The following GNAT3 variants were observed in gnomAD, a reference collection of about 807,000 sequenced individuals.
GNAT3 encodes guanine nucleotide-binding protein G(t) subunit alpha-3.
GNAT3 carries 31 observed loss-of-function variants against 37.7 expected under a neutral mutation model. The observed-to-expected ratio is 0.82, with a 90% CI of 0.62 to 1.11. GNAT3 has a LOEUF of 1.11. Among genes scored for constraint, GNAT3 ranks in the 50% most tolerant of loss-of-function variants. The pLI, the probability that GNAT3 is intolerant of heterozygous loss-of-function variation, is 0.00. For missense variants in GNAT3, 437 were observed against 412.5 expected (o/e 1.06, Z -0.51); for synonymous variants, 138 against 139.8 (o/e 0.99, Z 0.09).
chr7:80,509,286 G>A (rs1454380987), intron 1 of GNAT3, among the ~76,000 whole-genome samples: 1 of 152,042 alleles, frequency 6.6e-6, no homozygotes, highest in Non-Finnish European at 1.5e-5. Flanking sequence ...ATCATCATAT[G>A]TAGAATTCAG....
chr7:80,463,298 C>G (rs531683945), intron 5 of GNAT3, among the ~76,000 whole-genome samples: 2 of 152,100 alleles, frequency 1.3e-5, no homozygotes, highest in African/African-American at 4.8e-5. Flanking sequence ...AAAACTCAGC[C>G]TTTCCTCTAC....
Position 80,461,441 on chromosome 7 carries a change from C to T in GNAT3, c.874+718G>A, listed in dbSNP as rs183611566. On this transcript the variant is annotated intron_variant, in intron 7 of 7. Coordinates refer to ENST00000398291, the MANE Select transcript of GNAT3 (RefSeq NM_001102386.3). ...GCGTGCACCAGTCGTCCCAGCCACT[C>T]GGGAGGCTGAAGCAGGGGAATCATT... is the stretch of plus-strand genomic sequence containing the variant. Among the ~76,000 whole-genome samples, 10 of 152,092 alleles carry T rather than the reference C, an allele frequency of 6.6e-5. No homozygotes were observed. The East Asian group carries it at 1.7e-3, about 26-fold the overall frequency.
intron 1 of GNAT3, among the ~76,000 whole-genome samples, chr7:80,498,841 A>G (rs1790780536): frequency 6.6e-6 from 1 of 152,154 alleles, no homozygotes; most frequent in African/African-American, 2.4e-5. Flanking sequence ...ATTTAAATTT[A>G]TACTTAATTC....
intron 4 of GNAT3, 110 bp downstream of exon 4, chr7:80,478,731 T>TAA (rs767589887): frequency 5.7e-5 from 60 of 1,045,880 alleles, no homozygotes; most frequent in Middle Eastern, 2.4e-4. Context: ...TAATAAAATG[T>TAA]AACACCATTT....
At chr7:80,508,860 C>T (rs963316082) in intron 1 of GNAT3, among the ~76,000 whole-genome samples, 2 of 151,946 alleles carry the variant, frequency 1.3e-5, no homozygotes, top group South Asian at 4.1e-4. Context: ...TGAGTTTAAG[C>T]TTCTAGAAAT....
At chr7:80,499,074 A>C (rs985732095) in intron 1 of GNAT3, among the ~76,000 whole-genome samples, 1 of 152,322 alleles carries the variant, frequency 6.6e-6, no homozygotes, top group Admixed American at 6.5e-5. Flanking sequence ...GTAATCACAC[A>C]TAAGATTTTT....
At chr7:80,481,298 C>T (rs1790388407) in intron 3 of GNAT3, among the ~76,000 whole-genome samples, 1 of 152,100 alleles carries the variant, frequency 6.6e-6, no homozygotes, top group Non-Finnish European at 1.5e-5. Flanking sequence ...CTAAGCCCCG[C>T]AACCAACAGA....
At chr7:80,474,433 A>G in intron 4 of GNAT3, 54 bp from the exon 5 acceptor site, 9 of 765,624 alleles carry the variant, frequency 1.2e-5, no homozygotes, top group South Asian at 1.8e-5. Context: ...ATAAATACAT[A>G]CATATATGTA....
chr7:80,464,879 C>T (rs1169995924), intron 5 of GNAT3, among the ~76,000 whole-genome samples: 2 of 151,978 alleles, frequency 1.3e-5, no homozygotes, highest in Non-Finnish European at 2.9e-5. Flanking sequence ...AGAAGATGCT[C>T]ACAATATTGA....
intron 5 of GNAT3, among the ~76,000 whole-genome samples, chr7:80,466,288 A>C (rs1324307918): frequency 1.3e-5 from 2 of 152,106 alleles, no homozygotes; most frequent in African/African-American, 4.8e-5. Context: ...TAGTCTTGTC[A>C]ACCTTTGTAG....
intron 1 of GNAT3, among the ~76,000 whole-genome samples, chr7:80,503,313 A>G (rs1034136274): frequency 9.2e-5 from 14 of 152,198 alleles, no homozygotes; most frequent in Non-Finnish European, 1.9e-4. Flanking sequence ...TCAATAAAGA[A>G]CAAAAGCAGA....
chr7:80,480,897 T>C (rs1790382119), intron 3 of GNAT3, among the ~76,000 whole-genome samples: 1 of 152,116 alleles, frequency 6.6e-6, no homozygotes, highest in Admixed American at 6.6e-5. Context: ...CTTAACTGTC[T>C]GGGAATGAAG....
At chr7:80,508,969 A>G (rs1791003530) in intron 1 of GNAT3, among the ~76,000 whole-genome samples, 1 of 152,110 alleles carries the variant, frequency 6.6e-6, no homozygotes, top group Admixed American at 6.6e-5. Flanking sequence ...GGAGCTGATC[A>G]CTACTAAGGT....
At chr7:80,461,350 C>A (rs1790046720) in intron 7 of GNAT3, among the ~76,000 whole-genome samples, 1 of 151,910 alleles carries the variant, frequency 6.6e-6, no homozygotes, top group Non-Finnish European at 1.5e-5. Flanking sequence ...GAGTTCAAGA[C>A]CAGCCTTGGC....
intron 1 of GNAT3, among the ~76,000 whole-genome samples, chr7:80,509,553 T>C (rs2116237837): frequency 6.6e-6 from 1 of 152,224 alleles, no homozygotes; most frequent in East Asian, 1.9e-4. Flanking sequence ...CAAATATTGC[T>C]CTTTCTTCTT....
At chr7:80,509,719 T>G (rs1175839875) in intron 1 of GNAT3, among the ~76,000 whole-genome samples, 3 of 152,160 alleles carry the variant, frequency 2.0e-5, no homozygotes, top group African/African-American at 7.2e-5. Flanking sequence ...CCATTGATTT[T>G]CAGTTCCAAA....
chr7:80,480,472 G>A (rs1242871294), intron 3 of GNAT3, among the ~76,000 whole-genome samples: 1 of 152,038 alleles, frequency 6.6e-6, no homozygotes, highest in African/African-American at 2.4e-5. Context: ...CCAAGAGAGG[G>A]TTCTTGGATC....
chr7:80,499,755 T>C (rs1203424109), intron 1 of GNAT3, among the ~76,000 whole-genome samples: 1 of 152,092 alleles, frequency 6.6e-6, no homozygotes, highest in African/African-American at 2.4e-5. Context: ...GGATTCATCA[T>C]GTTTTGGAAC....
intron 3 of GNAT3, among the ~76,000 whole-genome samples, chr7:80,482,768 T>A (rs982612391): frequency 6.6e-6 from 1 of 150,932 alleles, no homozygotes; most frequent in Non-Finnish European, 1.5e-5. Context: ...CTTGACCTCA[T>A]GATCTGCCCA....
Sources: allele counts gnomAD v4.1 joint callset (sites outside exome capture counted in the v4.1 genomes callset), GRCh38; gene constraint gnomAD v4.1.1; transcripts MANE v1.5; gene names NCBI Gene and HGNC (gene_info 2026-07-23, HGNC 2026-07-21).